The following TIAM1 variants were observed in gnomAD, a reference collection of about 807,000 sequenced individuals.
The protein encoded by TIAM1 is TIAM Rac1 associated GEF 1.
In TIAM1, 65 loss-of-function variants were observed where a neutral mutation model predicts 163.5. The observed-to-expected ratio is 0.40, with a 90% confidence interval of 0.33 to 0.49. The LOEUF is 0.49. Ranked by LOEUF, TIAM1 falls within the 20% of genes least tolerant of loss-of-function variation. The probability of loss-of-function intolerance (pLI) is 0.77; values close to 1 mark genes in which losing one functional copy is unlikely to be tolerated. For synonymous variants in TIAM1, 833 were observed against 810.1 expected, an observed-to-expected ratio of 1.03 and a Z score of -0.48; for missense variants, 1,789 against 2,044.7, an observed-to-expected ratio of 0.87 and a Z score of 2.41.
chr21:31,430,554 A>G (rs189817829), intron 2 of TIAM1, among the ~76,000 whole-genome samples: 126 of 152,176 alleles, frequency 8.3e-4, no homozygotes, highest in African/African-American at 3.0e-3. Flanking sequence ...AGGGGGAAAA[A>G]AGATGAAATC....
intron 13 of TIAM1, among the ~76,000 whole-genome samples, chr21:31,190,169 G>A (rs181281332): frequency 6.6e-6 from 1 of 152,186 alleles, no homozygotes; most frequent in Non-Finnish European, 1.5e-5. Context: ...CTCTTGGAAG[G>A]CTGAGGCGGG....
intron 20 of TIAM1, among the ~76,000 whole-genome samples, chr21:31,146,052 T>C (rs1380574197): frequency 6.6e-6 from 1 of 152,158 alleles, no homozygotes; most frequent in Non-Finnish European, 1.5e-5. Flanking sequence ...AAGCAGGGAA[T>C]TTCTAAACCC....
At chr21:31,260,386 C>T (rs1302943074) in intron 4 of TIAM1, among the ~76,000 whole-genome samples, 4 of 151,400 alleles carry the variant, frequency 2.6e-5, no homozygotes, top group Non-Finnish European at 4.4e-5. Flanking sequence ...TACAGGCACC[C>T]GCCACCACGC....
chr21:31,422,295 A>T (rs962335536), intron 2 of TIAM1, among the ~76,000 whole-genome samples: 1 of 152,234 alleles, frequency 6.6e-6, no homozygotes, highest in Non-Finnish European at 1.5e-5. Context: ...CCGTCTCAGG[A>T]TACGTATCAA....
intron 1 of TIAM1, among the ~76,000 whole-genome samples, chr21:31,509,499 C>T (rs976381612): frequency 1.3e-5 from 2 of 152,196 alleles, no homozygotes; most frequent in Middle Eastern, 6.3e-3. Context: ...ATCACTGCAC[C>T]TCCTCCGCCA....
At chr21:31,455,319 A>G (rs559163132) in intron 2 of TIAM1, among the ~76,000 whole-genome samples, 23 of 151,702 alleles carry the variant, frequency 1.5e-4, no homozygotes, top group Non-Finnish European at 3.1e-4. Context: ...AACATAGGCT[A>G]GAAAGTAAGG....
At chr21:31,143,545 G>A (rs2082961202) in intron 20 of TIAM1, among the ~76,000 whole-genome samples, 1 of 151,312 alleles carries the variant, frequency 6.6e-6, no homozygotes, top group Non-Finnish European at 1.5e-5. Context: ...TTTTTTATTA[G>A]AAAGCTTAAA....
chr21:31,257,599 T>C (rs1391193572), intron 4 of TIAM1, among the ~76,000 whole-genome samples: 1 of 152,040 alleles, frequency 6.6e-6, no homozygotes, highest in Non-Finnish European at 1.5e-5. Context: ...ATAAGCTCTC[T>C]CTTCTAACCC....
intron 15 of TIAM1, among the ~76,000 whole-genome samples, chr21:31,176,260 C>CT (rs1413311070): frequency 1.3e-5 from 2 of 152,068 alleles, no homozygotes; most frequent in Non-Finnish European, 2.9e-5. Context: ...ACAAGAGAGA[C>CT]TTTTTTGAAA....
intron 2 of TIAM1, among the ~76,000 whole-genome samples, chr21:31,418,878 C>A (rs147533578): frequency 6.6e-6 from 1 of 152,170 alleles, no homozygotes; most frequent in Non-Finnish European, 1.5e-5. Flanking sequence ...TCTTTTACTG[C>A]AGTTGAAGGA....
chr21:31,295,266 C>G (rs367802987), intron 2 of TIAM1, among the ~76,000 whole-genome samples: 12 of 152,124 alleles, frequency 7.9e-5, no homozygotes, highest in Admixed American at 4.6e-4. Flanking sequence ...GTCAGGAAAT[C>G]GAGACCATCC....
At chr21:31,396,666 T>A (rs1487780223) in intron 2 of TIAM1, among the ~76,000 whole-genome samples, 2 of 150,708 alleles carry the variant, frequency 1.3e-5, no homozygotes, top group African/African-American at 4.9e-5. Context: ...AACAAAATAT[T>A]GGGCCAGGCG....
At chr21:31,463,078 G>A (rs1240857242) in intron 2 of TIAM1, among the ~76,000 whole-genome samples, 2 of 145,822 alleles carry the variant, frequency 1.4e-5, no homozygotes, top group African/African-American at 5.6e-5. Flanking sequence ...CAGCACACCA[G>A]GGCTGGGGAC....
chr21:31,478,342 A>G (rs1188907850), intron 1 of TIAM1, among the ~76,000 whole-genome samples: 1 of 152,190 alleles, frequency 6.6e-6, no homozygotes, highest in Non-Finnish European at 1.5e-5. Flanking sequence ...TTGCTTTACT[A>G]CCTACTTGTA....
chr21:31,461,103 T>C (rs942667979), intron 2 of TIAM1, among the ~76,000 whole-genome samples: 1 of 152,024 alleles, frequency 6.6e-6, no homozygotes, highest in African/African-American at 2.4e-5. Flanking sequence ...CAAACACAGA[T>C]AAAACAAACC....
chr21:31,404,010 G>A (rs1487543534), intron 2 of TIAM1, among the ~76,000 whole-genome samples: 1 of 152,044 alleles, frequency 6.6e-6, no homozygotes, highest in Non-Finnish European at 1.5e-5. Flanking sequence ...ACTCACACAG[G>A]GCTGTCATTG....
intron 23 of TIAM1, among the ~76,000 whole-genome samples, chr21:31,132,290 C>T (rs1568883699): frequency 6.6e-6 from 1 of 152,152 alleles, no homozygotes; most frequent in Non-Finnish European, 1.5e-5. Flanking sequence ...GAAATAAGCG[C>T]TGAGATGCAA....
intron 2 of TIAM1, among the ~76,000 whole-genome samples, chr21:31,386,868 A>G (rs954057477): frequency 3.3e-5 from 5 of 152,190 alleles, no homozygotes; most frequent in Admixed American, 1.3e-4. Flanking sequence ...TGACAGCCGG[A>G]ATGGATGCTG....
intron 2 of TIAM1, among the ~76,000 whole-genome samples, chr21:31,398,898 G>T (rs2077117989): frequency 6.6e-6 from 1 of 152,194 alleles, no homozygotes; most frequent in Admixed American, 6.5e-5. Context: ...CCTTTGGGAT[G>T]GGCCCGGTGG....
Sources: allele counts gnomAD v4.1 joint callset (sites outside exome capture counted in the v4.1 genomes callset), GRCh38; gene constraint gnomAD v4.1.1; transcripts MANE v1.5; gene names NCBI Gene and HGNC (gene_info 2026-07-23, HGNC 2026-07-21).